Variants in NCAM2 observed in about 807,000 individuals in gnomAD.
NCAM2 encodes the protein N-CAM-2.
A neutral mutation model predicts 98.1 loss-of-function variants in NCAM2; 30 were observed. The observed-to-expected ratio is 0.31, with a 90% CI of 0.23 to 0.41. The LOEUF (loss-of-function observed/expected upper bound fraction) is 0.41. NCAM2 is among the 10% of genes least tolerant of loss of function. The pLI, the probability that NCAM2 is intolerant of heterozygous loss-of-function variation, is 1.00. For missense variants in NCAM2, 867 were observed against 1,005.8 expected (o/e 0.86, Z 1.87); for synonymous variants, 368 against 342.4 (o/e 1.07, Z -0.83).
At position 21,541,461 on chromosome 21, in the gene NCAM2, T is replaced by A. The variant is rs959838876; in HGVS notation, c.*3504T>A. 2.6e-5 allele frequency: 4 copies of A among 151,826 alleles called. No homozygotes were observed. Among genetic ancestry groups the A allele is most frequent in the African/African-American group, 9.6e-5 (4 of 41,542 alleles). 9.4% of individuals were successfully genotyped at this position (151,826 alleles called of 1,614,324 possible). A position where few individuals can be genotyped will look rare whatever the true frequency, so the allele number is the denominator to read the frequency against. On this transcript the variant is annotated 3_prime_UTR_variant, in exon 18 of 18. Transcript: ENST00000400546. ...ATACACACACATGAAATATTCTTAA[T>A]CTGTTCTGTATTGTTTTTCTAAACA...
At chr21:21,279,667 T>C (rs1210654799) in intron 1 of NCAM2, among the ~76,000 whole-genome samples, 1 of 151,776 alleles carries the variant, frequency 6.6e-6, no homozygotes, top group African/African-American at 2.4e-5. Context: ...TATCACAGCC[T>C]GTTGTTCTGG....
chr21:21,021,005 G>A lies in NCAM2; in HGVS notation c.55+22387G>A, dbSNP rs187765007. On this transcript the variant is annotated intron_variant, in intron 1 of 17. Transcript: ENST00000400546. ...TTGTGGCAGTAGGGTTGGTAAGGTA[G>A]GTTGGCCAGGTGTCTCCTGGGTCCC... 4.3e-3 allele frequency among the ~76,000 whole-genome samples: 648 copies of A among 152,152 alleles called. 2 individuals carry two copies. The highest frequency in any genetic ancestry group is 7.1e-3 in the Non-Finnish European group (484 of 67,992).
intron 1 of NCAM2, among the ~76,000 whole-genome samples, chr21:21,262,892 TC>T (rs1437795766): frequency 1.3e-5 from 2 of 152,000 alleles, no homozygotes; most frequent in East Asian, 3.9e-4. Context: ...GCAGAGAAAC[TC>T]CCCTTTTTAA....
chr21:21,461,242 G>A (rs927281140), intron 12 of NCAM2, among the ~76,000 whole-genome samples: 7 of 151,666 alleles, frequency 4.6e-5, no homozygotes, highest in African/African-American at 1.7e-4. Context: ...ACTATAAATT[G>A]TTTATGAAAC....
intron 1 of NCAM2, among the ~76,000 whole-genome samples, chr21:21,040,147 G>C (rs910632442): frequency 1.3e-5 from 2 of 152,106 alleles, no homozygotes; most frequent in Non-Finnish European, 2.9e-5. Flanking sequence ...GATTTTTATA[G>C]AGTTATAGAA....
Position 21,540,250 on chromosome 21 carries a change from A to T in NCAM2, c.*2293A>T, listed in dbSNP as rs568240181. 6.8e-6 allele frequency: 1 copy of T among 147,410 alleles called. No homozygotes were observed. The highest frequency in any genetic ancestry group is 2.0e-4 in the East Asian group (1 of 5,124). The allele number at this position is 147,410 out of a possible 1,614,324, so 9.1% of individuals were successfully genotyped here. On this transcript the variant is annotated 3_prime_UTR_variant, in exon 18 of 18. Coordinates refer to ENST00000400546, the MANE Select transcript of NCAM2 (RefSeq NM_004540.5). ...TTTCCTTGTAAAGAAATTGACATAT[A>T]TTTCATATATATATACACATATATA...
intron 1 of NCAM2, among the ~76,000 whole-genome samples, chr21:21,108,189 CTAAA>C (rs1403913362): frequency 6.6e-6 from 1 of 151,842 alleles, no homozygotes; most frequent in Non-Finnish European, 1.5e-5. Context: ...CCAACCATAA[CTAAA>C]TATTTGAAAA....
chr21:21,515,468 G>A (rs192695707), intron 16 of NCAM2, among the ~76,000 whole-genome samples: 93 of 152,246 alleles, frequency 6.1e-4, no homozygotes, highest in Admixed American at 1.2e-3. Context: ...ATGAAACATA[G>A]TGAAATCATC....
At chr21:21,091,911 G>A (rs1452363639) in intron 1 of NCAM2, among the ~76,000 whole-genome samples, 1 of 151,908 alleles carries the variant, frequency 6.6e-6, no homozygotes, top group Non-Finnish European at 1.5e-5. Flanking sequence ...CATCTTGAAA[G>A]CTAATATTCA....
At chr21:21,265,324 CAT>C (rs1419718742) in intron 1 of NCAM2, among the ~76,000 whole-genome samples, 42 of 126,312 alleles carry the variant, frequency 3.3e-4, no homozygotes, top group African/African-American at 7.6e-4. Flanking sequence ...TATATATACA[CAT>C]ATATAATATA....
chr21:21,124,780 A>G (rs2066752033), intron 1 of NCAM2, among the ~76,000 whole-genome samples: 1 of 152,162 alleles, frequency 6.6e-6, no homozygotes, highest in South Asian at 2.1e-4. Flanking sequence ...CTAAGAATAA[A>G]ACTTGCTTCT....
At chr21:21,493,015 C>T (rs1216462204) in intron 15 of NCAM2, among the ~76,000 whole-genome samples, 1 of 151,834 alleles carries the variant, frequency 6.6e-6, no homozygotes, top group African/African-American at 2.4e-5. Flanking sequence ...TCTTGAAAAA[C>T]ATCCTATTTC....
At chr21:21,261,714 T>C (rs1014955423) in intron 1 of NCAM2, among the ~76,000 whole-genome samples, 3 of 152,082 alleles carry the variant, frequency 2.0e-5, no homozygotes, top group African/African-American at 4.8e-5. Flanking sequence ...GCAAAAGTTG[T>C]GTTAAGATGA....
chr21:21,069,594 T>G (rs563503761), intron 1 of NCAM2, among the ~76,000 whole-genome samples: 1 of 152,148 alleles, frequency 6.6e-6, no homozygotes, highest in Non-Finnish European at 1.5e-5. Context: ...CGACCTACCC[T>G]TCCTTTAAAA....
intron 1 of NCAM2, among the ~76,000 whole-genome samples, chr21:21,254,653 G>T (rs2071597371): frequency 6.6e-6 from 1 of 152,146 alleles, no homozygotes; most frequent in Non-Finnish European, 1.5e-5. Flanking sequence ...ATGATATTAT[G>T]AAGCTCATTT....
At chr21:21,301,606 A>G (rs1172848647) in intron 5 of NCAM2, among the ~76,000 whole-genome samples, 28 of 120,020 alleles carry the variant, frequency 2.3e-4, no homozygotes, top group Non-Finnish European at 4.0e-4. Flanking sequence ...TCATTGTTCA[A>G]TTCCCACCTA....
chr21:21,529,690 C>A (rs746827649), intron 16 of NCAM2, among the ~76,000 whole-genome samples: 1 of 151,786 alleles, frequency 6.6e-6, no homozygotes, highest in Non-Finnish European at 1.5e-5. Flanking sequence ...TCATGATATA[C>A]CAGATGACAT....
chr21:21,190,846 G>T (rs1353802832), intron 1 of NCAM2, among the ~76,000 whole-genome samples: 2 of 152,126 alleles, frequency 1.3e-5, no homozygotes, highest in African/African-American at 4.8e-5. Context: ...TAAATGAGTT[G>T]CAGAATTCCT....
chr21:21,412,302 C>G (rs2076902844), intron 10 of NCAM2, among the ~76,000 whole-genome samples: 1 of 152,116 alleles, frequency 6.6e-6, no homozygotes, highest in Non-Finnish European at 1.5e-5. Flanking sequence ...GGATTAGGTC[C>G]CACTCTTATT....
Sources: allele counts gnomAD v4.1 joint callset (sites outside exome capture counted in the v4.1 genomes callset), GRCh38; gene constraint gnomAD v4.1.1; transcripts MANE v1.5; gene names NCBI Gene and HGNC (gene_info 2026-07-23, HGNC 2026-07-21).